Variants in FAM149A observed in about 807,000 individuals in gnomAD.
FAM149A encodes protein FAM149A.
FAM149A carries 71 observed loss-of-function variants against 78.2 expected under a neutral mutation model. The ratio of observed to expected loss-of-function variants is 0.91; its 90% confidence interval spans 0.75 to 1.11. The LOEUF is 1.11. Among genes scored for constraint, FAM149A ranks in the 50% least tolerant of loss-of-function variants. The probability of loss-of-function intolerance (pLI) is 0.00; values close to 1 mark genes in which losing one functional copy is unlikely to be tolerated. For missense variants in FAM149A, 1,036 were observed against 971.0 expected (o/e 1.07, Z -0.89); for synonymous variants, 446 against 410.5 (o/e 1.09, Z -1.04).
At chr4:186,106,711 G>T (rs926826665) in intron 1 of FAM149A, among the ~76,000 whole-genome samples, 1 of 152,186 alleles carries the variant, frequency 6.6e-6, no homozygotes, top group African/African-American at 2.4e-5. Context: ...ACTTTGGGAG[G>T]CCGAGGCGGG....
chr4:186,135,929 A>G (rs1321134396), intron 1 of FAM149A, among the ~76,000 whole-genome samples: 2 of 152,178 alleles, frequency 1.3e-5, no homozygotes, highest in Admixed American at 6.5e-5. Flanking sequence ...TGTTCTGCAC[A>G]TGTGCGGAGG....
chr4:186,151,885 G>A lies in FAM149A; in HGVS notation c.790-18G>A, dbSNP rs747741667. 3 of 1,613,208 alleles carry A rather than the reference G, an allele frequency of 1.9e-6. No homozygotes were observed. The highest frequency in any genetic ancestry group is 2.2e-5 in the East Asian group (1 of 44,868). On this transcript the variant is annotated intron_variant, in intron 3 of 13. Coordinates refer to ENST00000389354, the MANE Select transcript of FAM149A (RefSeq NM_001367768.3). ...CTGTAACTTGCAGTGTTGTAACCAAGTGTGCATTTCTGTTTAGGAATTTGA... is the reference window on the plus strand; with the variant it reads ...CTGTAACTTGCAGTGTTGTAACCAAATGTGCATTTCTGTTTAGGAATTTGA...
intron 11 of FAM149A, among the ~76,000 whole-genome samples, chr4:186,166,528 G>A (rs578116504): frequency 6.6e-6 from 1 of 151,964 alleles, no homozygotes; most frequent in South Asian, 2.1e-4. Flanking sequence ...GCACGTGCCT[G>A]TAATCCTCAC....
At chr4:186,132,222 G>T in intron 1 of FAM149A, 1 of 985,300 alleles carries the variant, frequency 1.0e-6, no homozygotes, top group South Asian at 4.7e-5. Flanking sequence ...TGAAAAGTAA[G>T]CCATCAGTAT....
chr4:186,123,860 T>C, intron 1 of FAM149A: 1 of 982,436 alleles, frequency 1.0e-6, no homozygotes, highest in East Asian at 1.1e-4. Context: ...GCAGCAAATA[T>C]TTATGTGACA....
chr4:186,130,760 G>A (rs970761416), intron 1 of FAM149A, among the ~76,000 whole-genome samples: 1 of 152,124 alleles, frequency 6.6e-6, no homozygotes, highest in Non-Finnish European at 1.5e-5. Context: ...ATAGATATGA[G>A]ATGGATTGAA....
intron 13 of FAM149A, chr4:186,167,465 G>T: frequency 3.5e-6 from 2 of 571,844 alleles, no homozygotes; most frequent in Non-Finnish European, 6.5e-6. Flanking sequence ...GTGAGGTCAA[G>T]AAGAGGGGAA....
intron 4 of FAM149A, among the ~76,000 whole-genome samples, chr4:186,152,735 G>A (rs377402985): frequency 5.4e-4 from 82 of 151,630 alleles, no homozygotes; most frequent in African/African-American, 1.9e-3. Flanking sequence ...TAGTAGAGAC[G>A]GGGTTTCACC....
intron 1 of FAM149A, chr4:186,127,683 G>A: frequency 1.3e-6 from 1 of 769,630 alleles, no homozygotes; most frequent in Non-Finnish European, 1.5e-6. Flanking sequence ...AAATATTCTG[G>A]TGGTTTTTGT....
intron 1 of FAM149A, among the ~76,000 whole-genome samples, chr4:186,135,887 A>C (rs1432472863): frequency 6.6e-6 from 1 of 152,188 alleles, no homozygotes; most frequent in East Asian, 1.9e-4. Flanking sequence ...CGCAGCGGGG[A>C]GCACGCAGTT....
At chr4:186,117,881 G>A (rs770137621) in intron 1 of FAM149A, 26 of 979,006 alleles carry the variant, frequency 2.7e-5, no homozygotes, top group Middle Eastern at 5.3e-4. Flanking sequence ...TCCCAAGACC[G>A]GCAACACATA....
chr4:186,156,135 T>A lies in FAM149A; in HGVS notation c.1365T>A (p.Asn455Lys). ...AAGTGTTTGATCACGTCTGGACAAA[T>A]ATGGTAGAACTTTTGGAAGAGCTGA... The change falls in exon 7 of 14, where the codon AAT becomes AAA. Residue 455 changes from asparagine to lysine, a missense_variant. Coordinates refer to ENST00000389354, the MANE Select transcript of FAM149A (RefSeq NM_001367768.3). 1 of 1,613,724 alleles carries A rather than the reference T, an allele frequency of 6.2e-7. No individual in the cohort carries two copies. Among genetic ancestry groups the A allele is most frequent in the African/African-American group, 1.3e-5 (1 of 74,982 alleles).
chr4:186,110,360 C>G, intron 1 of FAM149A: 1 of 975,220 alleles, frequency 1.0e-6, no homozygotes, highest in Non-Finnish European at 1.2e-6. Context: ...TGAACGGTGG[C>G]TCAGTGTACA....
rs1471842580 is a variant in FAM149A at position 186,144,443 on chromosome 4, T to A, written c.567-4730T>A. 6.6e-6 allele frequency: 1 copy of A among 152,420 alleles called. No individual in the cohort carries two copies. The highest frequency in any genetic ancestry group is 1.5e-5 in the Non-Finnish European group (1 of 68,206). The allele number at this position is 152,420 out of a possible 1,614,324, so 9.4% of individuals were successfully genotyped here. A position where few individuals can be genotyped will look rare whatever the true frequency, so the allele number is the denominator to read the frequency against. Reference sequence around the variant, plus strand: ...GCATTGACCAGATCCGGGGCTTCATTTTTTAAACCTCATTCGTCCACTCCC... The same window carrying A: ...GCATTGACCAGATCCGGGGCTTCATATTTTAAACCTCATTCGTCCACTCCC... On this transcript the variant is annotated intron_variant, in intron 1 of 13. Coordinates refer to ENST00000389354, the MANE Select transcript of FAM149A (RefSeq NM_001367768.3). The surrounding 1 kb of genome is among the most constrained non-coding windows in gnomAD (Gnocchi z 4.2).
chr4:186,163,020 C>T, intron 9 of FAM149A, 72 bp downstream of exon 9: 1 of 884,788 alleles, frequency 1.1e-6, no homozygotes, highest in Non-Finnish European at 1.9e-6. Context: ...CTGAAGACTG[C>T]AGGGGACATG....
chr4:186,153,952 ATATGTGTG>A (rs1271807116), intron 5 of FAM149A, among the ~76,000 whole-genome samples, 182 bp downstream of exon 5: 2 of 152,230 alleles, frequency 1.3e-5, no homozygotes, highest in African/African-American at 2.4e-5. Context: ...TGATAGGTGT[ATATGTGTG>A]TATATAGAGA....
In FAM149A at chr4:186,154,465, T is replaced by C. The variant is rs753656697; in HGVS notation, c.1059-3T>C. The C allele has an allele frequency of 2.5e-6, 4 of 1,606,926 alleles. No individual in the cohort carries two copies. The Middle Eastern group carries it at 5.0e-4, about 199-fold the overall frequency. ...CCATGTAGAATCTGTTTTTTTCCCA[T>C]AGGTTGTGCATTTCTGGCTCTCAAA... On this transcript the variant is annotated splice_polypyrimidine_tract_variant and splice_region_variant and intron_variant, in intron 5 of 13. Coordinates refer to ENST00000389354, the MANE Select transcript of FAM149A (RefSeq NM_001367768.3).
At chr4:186,127,345 T>A (rs2126329181) in intron 1 of FAM149A, 1 of 985,442 alleles carries the variant, frequency 1.0e-6, no homozygotes. Flanking sequence ...ACAGTAAACA[T>A]CCTTCCAGTC....
intron 1 of FAM149A, chr4:186,117,898 G>A (rs2099314391): frequency 2.0e-6 from 2 of 984,884 alleles, no homozygotes; most frequent in South Asian, 9.4e-5. Context: ...CATAGGTGAG[G>A]CTGAGGAAGC....
Sources: allele counts gnomAD v4.1 joint callset (sites outside exome capture counted in the v4.1 genomes callset), GRCh38; gene constraint gnomAD v4.1.1; non-coding constraint Gnocchi (gnomAD v3.1); transcripts MANE v1.5; gene names NCBI Gene and HGNC (gene_info 2026-07-23, HGNC 2026-07-21).